The following PCED1B variants were observed in gnomAD, a reference collection of about 807,000 sequenced individuals.
PCED1B encodes PC-esterase domain containing 1B.
For synonymous variants in PCED1B, 251 were observed against 246.1 expected (o/e 1.02, Z -0.19); for missense variants, 573 against 573.9 (o/e 1.00, Z 0.02).
intron 2 of PCED1B, among the ~76,000 whole-genome samples, chr12:47,150,634 A>AGTGGGGGACTCACCCATGTTGATAC (rs1318765339): frequency 6.6e-6 from 1 of 151,734 alleles, no homozygotes; most frequent in Non-Finnish European, 1.5e-5. Flanking sequence ...GCCTGAAGGA[A>AGTGGGGGACTCACCCATGTTGATAC]GTGGGGGACT....
intron 2 of PCED1B, among the ~76,000 whole-genome samples, chr12:47,125,467 C>A (rs141490355): frequency 5.1e-4 from 78 of 151,958 alleles, no homozygotes; most frequent in African/African-American, 1.8e-3. Flanking sequence ...CACTTTTGTT[C>A]TTTTGCATTT....
At chr12:47,136,268 T>C (rs949624851) in intron 2 of PCED1B, among the ~76,000 whole-genome samples, 1 of 152,170 alleles carries the variant, frequency 6.6e-6, no homozygotes, top group Non-Finnish European at 1.5e-5. Flanking sequence ...AATGAGCGCT[T>C]TGTAAATCAA....
At chr12:47,194,294 C>T (rs1339932165) in intron 2 of PCED1B, among the ~76,000 whole-genome samples, 5 of 152,212 alleles carry the variant, frequency 3.3e-5, no homozygotes, top group Non-Finnish European at 7.3e-5. Flanking sequence ...CCTGCCTCAG[C>T]CTCCTGAATA....
At chr12:47,177,336 C>G (rs1291175128) in intron 2 of PCED1B, among the ~76,000 whole-genome samples, 1 of 152,186 alleles carries the variant, frequency 6.6e-6, no homozygotes, top group Non-Finnish European at 1.5e-5. Flanking sequence ...TTTATTTCAT[C>G]ATTGGCGAAA....
At chr12:47,148,624 GA>G (rs1242303073) in intron 2 of PCED1B, among the ~76,000 whole-genome samples, 2 of 152,058 alleles carry the variant, frequency 1.3e-5, no homozygotes, top group African/African-American at 4.8e-5. Flanking sequence ...ACTCCTAGGA[GA>G]AAAAAACAAA....
intron 2 of PCED1B, among the ~76,000 whole-genome samples, chr12:47,145,982 A>C (rs1014635350): frequency 1.3e-5 from 2 of 152,222 alleles, no homozygotes; most frequent in African/African-American, 4.8e-5. Flanking sequence ...TGGGCAAAGA[A>C]AATTGAAAAC....
At chr12:47,086,457 A>G (rs1165434846) in intron 1 of PCED1B, among the ~76,000 whole-genome samples, 2 of 152,064 alleles carry the variant, frequency 1.3e-5, no homozygotes, top group African/African-American at 2.4e-5. Flanking sequence ...TTTCTGCTCA[A>G]AGAATAAATC....
intron 2 of PCED1B, among the ~76,000 whole-genome samples, chr12:47,203,836 G>GT (rs1942839149): frequency 6.6e-6 from 1 of 152,170 alleles, no homozygotes; most frequent in Non-Finnish European, 1.5e-5. Context: ...CCGGTAATGG[G>GT]ATTGCTGGGT....
At chr12:47,216,001 C>T (rs997203998) in intron 2 of PCED1B, among the ~76,000 whole-genome samples, 3 of 151,854 alleles carry the variant, frequency 2.0e-5, no homozygotes, top group African/African-American at 7.3e-5. Flanking sequence ...TGCAATGAGC[C>T]GAGACCATGC....
chr12:47,119,819 GC>G (rs1451451433), intron 2 of PCED1B, among the ~76,000 whole-genome samples: 21 of 151,790 alleles, frequency 1.4e-4, no homozygotes, highest in African/African-American at 4.8e-4. Context: ...ACAAAAATTA[GC>G]CAGGCATGGT....
At chr12:47,156,990 T>C (rs1304995563) in intron 2 of PCED1B, among the ~76,000 whole-genome samples, 1 of 152,090 alleles carries the variant, frequency 6.6e-6, no homozygotes, top group Non-Finnish European at 1.5e-5. Flanking sequence ...TGCTAATGAG[T>C]TCTCAATAAA....
At position 47,111,951 on chromosome 12, in the gene PCED1B, G is replaced by A. The variant is rs142604920; in HGVS notation, c.-526+7756G>A. On this transcript the variant is annotated intron_variant, in intron 2 of 3. Coordinates refer to ENST00000546455, the MANE Select transcript of PCED1B (RefSeq NM_138371.3). ...GGTTCTCTGATCGCTCAAAGGCACC[G>A]GCACTGCCCCTCATAAGCTGTTGGT... Among the ~76,000 whole-genome samples the A allele has an allele frequency of 1.9e-3, 293 of 152,204 alleles. 3 individuals are homozygous for A. In the South Asian group the frequency reaches 0.03, roughly 16 times the overall value.
intron 2 of PCED1B, among the ~76,000 whole-genome samples, chr12:47,202,067 C>T (rs1324310568): frequency 6.6e-6 from 1 of 152,168 alleles, no homozygotes; most frequent in Non-Finnish European, 1.5e-5. Context: ...ATACAGTTAT[C>T]TATATTCATT....
At chr12:47,218,718 G>C (rs12313103) in intron 3 of PCED1B, among the ~76,000 whole-genome samples, 48,267 of 147,484 alleles carry the variant, frequency 0.33, 8,299 homozygotes, top group African/African-American at 0.39. Context: ...ATTGCCCAGG[G>C]TGGGCTTGAA....
intron 2 of PCED1B, among the ~76,000 whole-genome samples, chr12:47,165,917 A>G (rs1188874821): frequency 2.0e-5 from 3 of 152,198 alleles, no homozygotes; most frequent in Admixed American, 6.5e-5. Context: ...GTCAACAGCT[A>G]TAATATTAAA....
intron 2 of PCED1B, among the ~76,000 whole-genome samples, chr12:47,199,841 G>A (rs1002653636): frequency 6.6e-6 from 1 of 152,062 alleles, no homozygotes; most frequent in Admixed American, 6.5e-5. Flanking sequence ...AACACCAAAA[G>A]CACAATCCAT....
In PCED1B at chr12:47,110,745, G is replaced by C. The variant is rs1050181213; in HGVS notation, c.-526+6550G>C. Among the ~76,000 whole-genome samples, 5 of 152,202 alleles carry C rather than the reference G, an allele frequency of 3.3e-5. No homozygotes were observed. The East Asian group carries it at 9.6e-4, about 29-fold the overall frequency. On this transcript the variant is annotated intron_variant, in intron 2 of 3. Transcript: ENST00000546455. ...TTCCCTGAGAAGCTGCTTTGATCAT[G>C]CAAACATGAGCTTCATTTTTAGATG...
chr12:47,174,703 T>G (rs1262339910), intron 2 of PCED1B, among the ~76,000 whole-genome samples: 4 of 152,224 alleles, frequency 2.6e-5, no homozygotes, highest in African/African-American at 9.6e-5. Flanking sequence ...TTATATATAC[T>G]TTTGCACATC....
chr12:47,154,800 T>G (rs1220225261), intron 2 of PCED1B, among the ~76,000 whole-genome samples: 1 of 151,634 alleles, frequency 6.6e-6, no homozygotes, highest in Non-Finnish European at 1.5e-5. Context: ...TGTGTGTGTG[T>G]GTGTGTGTGT....
Sources: allele counts gnomAD v4.1 joint callset (sites outside exome capture counted in the v4.1 genomes callset), GRCh38; gene constraint gnomAD v4.1.1; transcripts MANE v1.5; gene names NCBI Gene and HGNC (gene_info 2026-07-23, HGNC 2026-07-21).